Variants in CNOT1 observed in about 807,000 individuals in gnomAD.
The protein encoded by CNOT1 is CCR4-NOT transcription complex subunit 1, also known as CCR4-associated factor 1.
A neutral mutation model predicts 273.8 loss-of-function variants in CNOT1; 15 were observed. That is an observed-to-expected ratio of 0.05 (90% CI 0.04 to 0.08). The LOEUF is 0.08. CNOT1 is among the 10% of genes least tolerant of loss of function. The pLI is 1.00. For missense variants in CNOT1, 1,644 were observed against 2,912.2 expected, an observed-to-expected ratio of 0.56 and a Z score of 10.02; for synonymous variants, 1,022 against 1,005.5, an observed-to-expected ratio of 1.02 and a Z score of -0.31.
chr16:58,625,520 C>CAT (rs1449864603), intron 1 of CNOT1, among the ~76,000 whole-genome samples: 2 of 148,800 alleles, frequency 1.3e-5, no homozygotes, highest in Non-Finnish European at 3.0e-5. Context: ...TTTAAAAAAA[C>CAT]ATATATATAT....
chr16:58,554,988 T>C (rs2040585433), intron 21 of CNOT1, among the ~76,000 whole-genome samples: 1 of 134,528 alleles, frequency 7.4e-6, no homozygotes, highest in South Asian at 2.6e-4. Flanking sequence ...ACACCAATAA[T>C]CCCAGCACTT....
In CNOT1 at chr16:58,542,231, T is replaced by C; in HGVS notation, c.4680A>G (p.Lys1560=). 3 of 1,613,924 alleles carry C rather than the reference T, an allele frequency of 1.9e-6. No individual in the cohort carries two copies. Among genetic ancestry groups the C allele is most frequent in the Middle Eastern group, 1.7e-4 (1 of 6,058 alleles). The change falls in exon 33 of 49, where the codon AAA becomes AAG. Residue 1560 remains lysine, a splice_region_variant and synonymous_variant. Transcript: ENST00000317147. The part of the protein sequence containing the change: ...AERMPEQIRL[K]VGGVDPKQLA... ...GGAAAGACAGAGCCCCAATTCTCACTTTCAGCCTGATTTGCTCTGGCATCC... is the reference window on the plus strand; with the variant it reads ...GGAAAGACAGAGCCCCAATTCTCACCTTCAGCCTGATTTGCTCTGGCATCC...
chr16:58,593,078 C>T (rs1451074332), intron 2 of CNOT1, among the ~76,000 whole-genome samples: 1 of 152,106 alleles, frequency 6.6e-6, no homozygotes, highest in Non-Finnish European at 1.5e-5. Flanking sequence ...CAGGATGGAA[C>T]CTATTTTAAG....
Position 58,599,525 on chromosome 16 carries a change from C to G in CNOT1, c.-174-14G>C. On this transcript the variant is annotated splice_polypyrimidine_tract_variant and intron_variant, in intron 1 of 48. Transcript: ENST00000317147. ...GAAACATGGCACCTGTTTAAAAAAA[C>G]ACACACACACAAATCCAGATTTTTA... is the stretch of plus-strand genomic sequence containing the variant. 1 of 609,870 alleles carries G rather than the reference C, an allele frequency of 1.6e-6. No individual in the cohort carries two copies. Among genetic ancestry groups the G allele is most frequent in the Non-Finnish European group, 2.7e-6 (1 of 373,852 alleles). 37.8% of individuals were successfully genotyped at this position (609,870 alleles called of 1,614,324 possible). A position where few individuals can be genotyped will look rare whatever the true frequency, so the allele number is the denominator to read the frequency against.
intron 1 of CNOT1, among the ~76,000 whole-genome samples, chr16:58,610,686 C>CA (rs1235907575): frequency 6.6e-6 from 1 of 151,978 alleles, no homozygotes; most frequent in African/African-American, 2.4e-5. Context: ...TACAAAAATA[C>CA]AAAAAAATTA....
intron 1 of CNOT1, among the ~76,000 whole-genome samples, chr16:58,620,510 G>A (rs2043267227): frequency 6.6e-6 from 1 of 152,008 alleles, no homozygotes; most frequent in Non-Finnish European, 1.5e-5. Flanking sequence ...GCGTGGTGTG[G>A]CAGGCACCTG....
At position 58,587,834 on chromosome 16, in the gene CNOT1, T is replaced by G; in HGVS notation, c.255A>C (p.Pro85=). 1 of 1,613,854 alleles carries G rather than the reference T, an allele frequency of 6.2e-7. No individual in the cohort carries two copies. Among genetic ancestry groups the G allele is most frequent in the African/African-American group, 1.3e-5 (1 of 75,036 alleles). The change falls in exon 4 of 49, where the codon CCA becomes CCC. Residue 85 remains proline, a synonymous_variant. Coordinates refer to ENST00000317147, the MANE Select transcript of CNOT1 (RefSeq NM_016284.5). ...IQECALLITK[P]NFISTLSYAI... is the part of the protein sequence containing the mutation. ...CATAGGACAGCGTCGAGATAAAATT[T>G]GGCTTTGTAATCAGCAACGCACACT...
intron 24 of CNOT1, 113 bp from the exon 25 acceptor site, chr16:58,550,011 C>T (rs1271954976): frequency 6.8e-7 from 1 of 1,480,442 alleles, no homozygotes; most frequent in Non-Finnish European, 9.0e-7. Context: ...TAACTAGATG[C>T]TAAAGAATGA....
At chr16:58,548,550 G>A (rs200538236) in intron 25 of CNOT1, 2 of 519,056 alleles carry the variant, frequency 3.9e-6, no homozygotes, top group Non-Finnish European at 7.7e-6. Flanking sequence ...AGTCAGCTGT[G>A]CAACAGAGAG....
Position 58,575,100 on chromosome 16 carries a change from T to C in CNOT1, c.1734A>G (p.Pro578=), listed in dbSNP as rs746149630. The change falls in exon 15 of 49, where the codon CCA becomes CCG. Residue 578 remains proline (P), a synonymous_variant. Coordinates refer to ENST00000317147, the MANE Select transcript of CNOT1 (RefSeq NM_016284.5). ...CAGCAAGGTCAATAACAAAGGCAAA[T>C]GGAGTACCATTTAGCAGCATTGACA... ...KALSMLLNGT[P]FAFVIDLAAL... The C allele has an allele frequency of 6.2e-7, 1 of 1,613,956 alleles. No individual in the cohort carries two copies. The highest frequency in any genetic ancestry group is 1.3e-5 in the African/African-American group (1 of 74,922).
In CNOT1 at chr16:58,537,999, A is replaced by T. The variant is rs1207023388; in HGVS notation, c.5306T>A (p.Leu1769Gln). The T allele has an allele frequency of 6.2e-7, 1 of 1,614,210 alleles. No individual in the cohort carries two copies. Among genetic ancestry groups the T allele is most frequent in the Admixed American group, 1.7e-5 (1 of 60,028 alleles). ...AGCAACACTCCTTTCATCCACCAGC[A>T]GGATTTTTACTAACTGCATAGCAAA... ...VAFAMQLVKI[L>Q]LVDERSVAHV... Residue 1769 changes from leucine (L) to glutamine (Q), a missense_variant, in exon 38 of 49, where the codon CTG (leucine) becomes CAG (glutamine). Leu to Gln is a moderately radical substitution (Grantham distance 113). This residue lies in a region of CNOT1 where 170 missense variants were observed against 273.1 expected (regional missense o/e 0.62). Coordinates refer to ENST00000317147, the MANE Select transcript of CNOT1 (RefSeq NM_016284.5).
chr16:58,567,622 A>T (rs914141339), intron 16 of CNOT1, among the ~76,000 whole-genome samples: 5 of 152,072 alleles, frequency 3.3e-5, no homozygotes, highest in Admixed American at 6.6e-5. Flanking sequence ...TCCTTCATAA[A>T]AGCAACTAGA....
intron 27 of CNOT1, among the ~76,000 whole-genome samples, chr16:58,546,960 T>C (rs1312504452): frequency 6.6e-6 from 1 of 152,146 alleles, no homozygotes; most frequent in African/African-American, 2.4e-5. Flanking sequence ...CTCACCTATA[T>C]CACATTTCAA....
chr16:58,569,870 A>C (rs959672864), intron 16 of CNOT1, among the ~76,000 whole-genome samples: 2 of 152,206 alleles, frequency 1.3e-5, no homozygotes, highest in African/African-American at 4.8e-5. Context: ...AAAAACATTA[A>C]TCTAGACACC....
In CNOT1 at chr16:58,578,439, C is replaced by T. The variant is rs1465413491; in HGVS notation, c.1584+260G>A. ...TTGCACTCCAGCCTGGGCGACAGAG[C>T]AAGACACCATCTCAAAAAAAAAAAA... On this transcript the variant is annotated intron_variant, in intron 13 of 48. Coordinates refer to ENST00000317147, the MANE Select transcript of CNOT1 (RefSeq NM_016284.5). Among the ~76,000 whole-genome samples the T allele has an allele frequency of 5.4e-5, 6 of 111,242 alleles. No individual in the cohort carries two copies. The East Asian group carries it at 1.2e-3, about 22-fold the overall frequency. The allele number at this position is 111,242 out of a possible 152,430, so 73.0% of individuals were successfully genotyped here. A position where few individuals can be genotyped will look rare whatever the true frequency, so the allele number is the denominator to read the frequency against.
chr16:58,538,696 G>T, intron 36 of CNOT1, 76 bp downstream of exon 36: 2 of 1,573,800 alleles, frequency 1.3e-6, no homozygotes, highest in Non-Finnish European at 1.7e-6. Context: ...GGAAACCCCT[G>T]GACATAAACA....
chr16:58,532,116 T>G (rs1371575229), intron 41 of CNOT1, 41 bp from the exon 42 acceptor site: 1 of 1,613,114 alleles, frequency 6.2e-7, no homozygotes, highest in Admixed American at 1.7e-5. Flanking sequence ...CAGTCCAACT[T>G]AAATACAGTG....
rs145704065 is a variant in CNOT1, at chr16:58,551,689, C to A, written c.3101G>T (p.Gly1034Val). 37 of 1,614,212 alleles carry A rather than the reference C, an allele frequency of 2.3e-5. No individual in the cohort carries two copies. The highest frequency in any genetic ancestry group is 3.0e-5 in the Non-Finnish European group (35 of 1,180,038). ...AQVPAKAPLA[G>V]QVSTMVTTST... is the part of the protein sequence containing the mutation. ...GGTGGTTACCATAGTGCTAACTTGA[C>A]CAGCAAGAGGAGCTTTTGCTGGAAC... Residue 1034 changes from glycine (G) to valine (V), a missense_variant, in exon 23 of 49, where the codon GGT becomes GTT. Around this residue, in one of 13 missense-constraint regions of CNOT1, gnomAD observed 77 missense variants for 90.5 expected, o/e 0.85. Coordinates refer to ENST00000317147, the MANE Select transcript of CNOT1 (RefSeq NM_016284.5).
chr16:58,587,277 T>C (rs2041906019), intron 5 of CNOT1, 22 bp from the exon 6 acceptor site: 4 of 1,613,740 alleles, frequency 2.5e-6, no homozygotes, highest in Non-Finnish European at 3.4e-6. Context: ...AGGATTAGAT[T>C]AACCAAAGAG....
Sources: gnomAD v4.1 joint callset for allele counts (sites outside exome capture counted in the v4.1 genomes callset) on GRCh38, gnomAD v4.1.1 for gene constraint, gnomAD v4.1.1 regional missense constraint, MANE v1.5 for transcripts, NCBI Gene and HGNC (gene_info 2026-07-23, HGNC 2026-07-21) for gene names.